LCOR: variants seen among roughly 807,000 people sequenced by gnomAD.
The protein encoded by LCOR is ligand dependent nuclear receptor corepressor.
In LCOR, 14 loss-of-function variants were observed where a neutral mutation model predicts 64.4. The ratio of observed to expected loss-of-function variants is 0.22; its 90% CI spans 0.14 to 0.34. LCOR has a LOEUF of 0.34. Ranked by LOEUF, LCOR falls within the 10% of genes least tolerant of loss-of-function variation. The probability of loss-of-function intolerance (pLI) is 1.00; values close to 1 mark genes in which losing one functional copy is unlikely to be tolerated. For synonymous variants in LCOR, 643 were observed against 642.5 expected, an observed-to-expected ratio of 1.00 and a Z score of -0.01; for missense variants, 1,686 against 1,765.3, an observed-to-expected ratio of 0.96 and a Z score of 0.80.
intron 7 of LCOR, chr10:96,954,805 AT>A (rs959911653): frequency 0.012 from 5,573 of 470,080 alleles, 1 homozygote; most frequent in South Asian, 0.014. Context: ...TGCTGAGACC[AT>A]TTTTTTTTTA....
At chr10:96,850,089 A>G (rs1845700273) in intron 2 of LCOR, among the ~76,000 whole-genome samples, 1 of 152,198 alleles carries the variant, frequency 6.6e-6, no homozygotes, top group African/African-American at 2.4e-5. Context: ...TGAAAAATAC[A>G]GTAGGATAAA....
intron 2 of LCOR, among the ~76,000 whole-genome samples, chr10:96,862,702 C>G (rs1184172166): frequency 6.6e-6 from 1 of 152,144 alleles, no homozygotes; most frequent in Non-Finnish European, 1.5e-5. Context: ...GTGGCCAGCT[C>G]CTATCCTCAA....
chr10:96,960,812 T>C (rs1210346290), intron 7 of LCOR: 1 of 152,192 alleles, frequency 6.6e-6, no homozygotes, highest in East Asian at 1.9e-4. Context: ...ATAATTGTGG[T>C]ACAAAGAAGA....
chr10:96,885,868 C>T (rs886067082), intron 2 of LCOR, among the ~76,000 whole-genome samples: 1 of 151,826 alleles, frequency 6.6e-6, no homozygotes, highest in Non-Finnish European at 1.5e-5. Flanking sequence ...TTTAATATTT[C>T]TTGATATGTT....
At chr10:96,847,988 T>A (rs141062163) in intron 2 of LCOR, among the ~76,000 whole-genome samples, 28 of 152,340 alleles carry the variant, frequency 1.8e-4, no homozygotes, top group African/African-American at 6.3e-4. Flanking sequence ...TGTTAAATGG[T>A]TGAAAAGTGT....
intron 2 of LCOR, among the ~76,000 whole-genome samples, chr10:96,874,483 A>T (rs1846130602): frequency 1.3e-5 from 2 of 152,172 alleles, no homozygotes; most frequent in African/African-American, 4.8e-5. Context: ...AATCAGCATA[A>T]TAATAGCTAA....
At position 96,982,129 on chromosome 10, in the gene LCOR, G is replaced by A. The variant is rs765232275; in HGVS notation, c.1669G>A (p.Val557Met). The change falls in exon 8 of 8, where the codon GTG becomes ATG. Residue 557 changes from valine to methionine, a missense_variant. Val to Met is a conservative substitution (Grantham distance 21, BLOSUM62 1). This residue lies in a region of LCOR where 1,293 missense variants were observed against 1,410.4 expected (regional missense o/e 0.92). Transcript: ENST00000421806. ...TIPAPRHTVD[V>M]QLPREDNPEE... is the part of the protein sequence containing the mutation. ...TCCAGCCCCTAGACATACAGTAGAT[G>A]TGCAGCTTCCCAGAGAAGACAACCC... is the stretch of plus-strand genomic sequence containing the variant. The A allele has an allele frequency of 2.5e-6, 4 of 1,614,170 alleles. No homozygotes were observed. Among genetic ancestry groups the A allele is most frequent in the East Asian group, 2.2e-5 (1 of 44,878 alleles).
At chr10:96,932,233 T>C (rs1847273383) in intron 4 of LCOR, among the ~76,000 whole-genome samples, 1 of 152,202 alleles carries the variant, frequency 6.6e-6, no homozygotes, top group Admixed American at 6.5e-5. Context: ...ATAGAACTAT[T>C]ATGATGATTT....
chr10:96,896,411 T>TATC (rs1055533757), intron 2 of LCOR, among the ~76,000 whole-genome samples: 7 of 151,848 alleles, frequency 4.6e-5, no homozygotes, highest in African/African-American at 1.7e-4. Flanking sequence ...TAGTTTTATT[T>TATC]ATTATTATTA....
chr10:96,939,738 C>G (rs1229612153), intron 4 of LCOR, among the ~76,000 whole-genome samples: 1 of 152,144 alleles, frequency 6.6e-6, no homozygotes, highest in South Asian at 2.1e-4. Context: ...CCGAGGCGGG[C>G]GGATCACAAG....
In LCOR at chr10:96,885,104, G is replaced by A. The variant is rs564833403; in HGVS notation, c.-329-22161G>A. 2.0e-5 allele frequency among the ~76,000 whole-genome samples: 3 copies of A among 152,256 alleles called. No individual in the cohort carries two copies. In the East Asian group the frequency reaches 5.8e-4, roughly 29 times the overall value. On this transcript the variant is annotated intron_variant, in intron 2 of 7. Transcript: ENST00000421806. ...ATCACTGTTCAACTGGAAGTTTCCT[G>A]TAAATCTATTTATAGACCTTTTGGG...
intron 4 of LCOR, among the ~76,000 whole-genome samples, chr10:96,943,287 G>C (rs1847529081): frequency 6.6e-6 from 1 of 152,154 alleles, no homozygotes; most frequent in Non-Finnish European, 1.5e-5. Context: ...GTAGAAACTG[G>C]GTTTCACCAT....
chr10:96,872,782 A>G (rs1467730387), intron 2 of LCOR, among the ~76,000 whole-genome samples: 2 of 152,218 alleles, frequency 1.3e-5, no homozygotes, highest in Non-Finnish European at 2.9e-5. Context: ...TCTTCTAACA[A>G]TAATAGCCTT....
intron 2 of LCOR, among the ~76,000 whole-genome samples, chr10:96,847,291 T>C (rs1845645432): frequency 6.6e-6 from 1 of 151,420 alleles, no homozygotes. Flanking sequence ...CTGAGAAGAC[T>C]TTTAGGAAGG....
At chr10:96,891,003 T>C (rs1453564202) in intron 2 of LCOR, among the ~76,000 whole-genome samples, 6 of 152,218 alleles carry the variant, frequency 3.9e-5, no homozygotes, top group Non-Finnish European at 7.3e-5. Context: ...AGTTTCCTTA[T>C]GATGATGTCT....
At chr10:96,925,250 A>G (rs915444631) in intron 4 of LCOR, among the ~76,000 whole-genome samples, 2 of 151,690 alleles carry the variant, frequency 1.3e-5, no homozygotes, top group East Asian at 3.9e-4. Context: ...TAATTTTTGT[A>G]TTTTTAGTAG....
rs1306202702 is a variant in LCOR, at chr10:96,920,680, A to G, written c.-184+12933A>G. Among the ~76,000 whole-genome samples, 62 of 136,894 alleles carry G rather than the reference A, an allele frequency of 4.5e-4. 1 individual carries two copies. Among genetic ancestry groups the G allele is most frequent in the African/African-American group, 1.9e-3 (59 of 30,904 alleles). The allele number at this position is 136,894 out of a possible 152,430, so 89.8% of individuals were successfully genotyped here. A position where few individuals can be genotyped will look rare whatever the true frequency, so the allele number is the denominator to read the frequency against. On this transcript the variant is annotated intron_variant, in intron 4 of 7. Transcript: ENST00000421806. The stretch of plus-strand genomic sequence containing the variant: ...TATATATGTATATATGTATATATTC[A>G]TATATGTGTATATATGTTCATATAT...
At chr10:96,903,636 A>G (rs1010922990) in intron 2 of LCOR, among the ~76,000 whole-genome samples, 6 of 152,238 alleles carry the variant, frequency 3.9e-5, no homozygotes, top group Admixed American at 2.6e-4. Context: ...AACAGGCTAT[A>G]TTGCTGACCT....
chr10:96,888,254 A>G (rs1846377876), intron 2 of LCOR, among the ~76,000 whole-genome samples: 1 of 148,022 alleles, frequency 6.8e-6, no homozygotes, highest in East Asian at 2.1e-4. Flanking sequence ...AATCCCAGCT[A>G]CTCAGGAGGC....
Sources: allele counts gnomAD v4.1 joint callset (sites outside exome capture counted in the v4.1 genomes callset), GRCh38; gene constraint gnomAD v4.1.1; regional missense constraint gnomAD v4.1.1; transcripts MANE v1.5; gene names NCBI Gene and HGNC (gene_info 2026-07-23, HGNC 2026-07-21).